The following TC2N variants were observed in gnomAD, a reference collection of about 807,000 sequenced individuals.
TC2N encodes tandem C2 domains, nuclear.
A neutral mutation model predicts 61.9 loss-of-function variants in TC2N; 51 were observed. The ratio of observed to expected loss-of-function variants is 0.82; its 90% CI spans 0.66 to 1.04. The LOEUF (loss-of-function observed/expected upper bound fraction) is 1.04. Among genes scored for constraint, TC2N ranks in the 50% least tolerant of loss-of-function variants. The pLI, the probability that TC2N is intolerant of heterozygous loss-of-function variation, is 0.00. For synonymous variants in TC2N, 204 were observed against 192.6 expected, an observed-to-expected ratio of 1.06 and a Z score of -0.49; for missense variants, 556 against 566.7, an observed-to-expected ratio of 0.98 and a Z score of 0.19.
At chr14:91,820,929 A>G (rs1887219271) in intron 1 of TC2N, among the ~76,000 whole-genome samples, 1 of 152,090 alleles carries the variant, frequency 6.6e-6, no homozygotes, top group African/African-American at 2.4e-5. Flanking sequence ...AAACCACAAG[A>G]CATTACTGAA....
rs190074166 is a variant in TC2N, at chr14:91,853,381, C to T, written c.-57+13881G>A. On this transcript the variant is annotated intron_variant, in intron 1 of 11. Coordinates refer to ENST00000435962, the MANE Select transcript of TC2N (RefSeq NM_001128596.3). The stretch of plus-strand genomic sequence containing the variant: ...AGGTATGAGGGTTAAATGATATATA[C>T]ACAGCATAATAATTGGCACAGTCAG... 7.4e-3 allele frequency among the ~76,000 whole-genome samples: 1,130 copies of T among 152,212 alleles called. 14 individuals carry two copies. Among genetic ancestry groups the T allele is most frequent in the African/African-American group, 0.024 (997 of 41,522 alleles).
At chr14:91,864,359 C>G (rs948656625) in intron 1 of TC2N, among the ~76,000 whole-genome samples, 3 of 152,140 alleles carry the variant, frequency 2.0e-5, no homozygotes, top group African/African-American at 7.2e-5. Flanking sequence ...TAAAAGGGGT[C>G]CCTGCTTCAT....
intron 1 of TC2N, among the ~76,000 whole-genome samples, chr14:91,816,685 G>T (rs935492961): frequency 1.3e-5 from 2 of 151,732 alleles, no homozygotes; most frequent in Non-Finnish European, 2.9e-5. Context: ...TTTCTATACT[G>T]ACATCCTGTT....
At chr14:91,860,818 A>C (rs929335759) in intron 1 of TC2N, among the ~76,000 whole-genome samples, 1 of 152,234 alleles carries the variant, frequency 6.6e-6, no homozygotes, top group Non-Finnish European at 1.5e-5. Flanking sequence ...GCTACTGTCC[A>C]TGAAACCCTC....
At chr14:91,831,274 A>G (rs1887758057) in intron 1 of TC2N, among the ~76,000 whole-genome samples, 3 of 152,218 alleles carry the variant, frequency 2.0e-5, no homozygotes, top group African/African-American at 4.8e-5. Context: ...AATTAATTCT[A>G]GTAAGTTAGG....
intron 3 of TC2N, among the ~76,000 whole-genome samples, chr14:91,806,038 G>C (rs993485873): frequency 1.3e-5 from 2 of 152,120 alleles, no homozygotes; most frequent in African/African-American, 2.4e-5. Context: ...ACTTGTGGTA[G>C]TGAATAAGTC....
chr14:91,840,122 A>G (rs1246245969), intron 1 of TC2N, among the ~76,000 whole-genome samples: 1 of 152,230 alleles, frequency 6.6e-6, no homozygotes, highest in African/African-American at 2.4e-5. Context: ...TCACAATACG[A>G]CAAGATGGGA....
Position 91,802,440 on chromosome 14 carries a change from A to G in TC2N, c.302-19T>C. 1.2e-6 allele frequency: 2 copies of G among 1,607,696 alleles called. No individual in the cohort carries two copies. The highest frequency in any genetic ancestry group is 1.7e-6 in the Non-Finnish European group (2 of 1,177,798). On this transcript the variant is annotated intron_variant, in intron 3 of 11. Transcript: ENST00000435962. ...GCAGATCCTGAAAGCAAATGTTTCT[A>G]AAAGTTTATAACATCCTTTTCTTGG...
intron 3 of TC2N, among the ~76,000 whole-genome samples, chr14:91,811,353 C>T (rs1336350225): frequency 6.6e-6 from 1 of 151,240 alleles, no homozygotes; most frequent in Non-Finnish European, 1.5e-5. Context: ...CAGGTCTTCA[C>T]TATTAAGTTT....
chr14:91,820,516 A>G (rs1318402916), intron 1 of TC2N, among the ~76,000 whole-genome samples: 3 of 151,898 alleles, frequency 2.0e-5, no homozygotes, highest in Non-Finnish European at 4.4e-5. Context: ...GGAACTGGTG[A>G]AAGATTGAAA....
chr14:91,854,055 CA>C (rs1888430550), intron 1 of TC2N, among the ~76,000 whole-genome samples: 1 of 152,050 alleles, frequency 6.6e-6, no homozygotes. Context: ...AGTCTTAAAA[CA>C]CAGCGTGGTT....
chr14:91,833,661 C>T (rs1372953403), intron 1 of TC2N, among the ~76,000 whole-genome samples: 2 of 152,138 alleles, frequency 1.3e-5, no homozygotes, highest in Non-Finnish European at 2.9e-5. Context: ...ATGTGTTTTT[C>T]CATCACATTA....
chr14:91,787,550 T>C lies in TC2N; in HGVS notation c.1125A>G (p.Ala375=). 1 of 1,612,982 alleles carries C rather than the reference T, an allele frequency of 6.2e-7. No homozygotes were observed. The highest frequency in any genetic ancestry group is 8.5e-7 in the Non-Finnish European group (1 of 1,179,522). The change falls in exon 10 of 12, where the codon GCA becomes GCG. Residue 375 remains alanine (A), a synonymous_variant. Transcript: ENST00000435962. ...NSRIQLQILE[A]RYLPSSSTPL... The stretch of plus-strand genomic sequence containing the variant: ...GTGTTGATGAGCTTGGAAGGTACCG[T>C]GCCTCAAGAATTTGTAACTGAATTC...
chr14:91,846,616 G>A (rs1273967496), intron 1 of TC2N, among the ~76,000 whole-genome samples: 2 of 152,136 alleles, frequency 1.3e-5, no homozygotes, highest in African/African-American at 2.4e-5. Context: ...GAGCATCCTC[G>A]CTTTGATTCC....
At chr14:91,822,285 CTG>C (rs1887289820) in intron 1 of TC2N, among the ~76,000 whole-genome samples, 2 of 152,180 alleles carry the variant, frequency 1.3e-5, no homozygotes, top group African/African-American at 4.8e-5. Flanking sequence ...AGAAAACAAA[CTG>C]TGGCTCAATG....
At chr14:91,831,038 T>A (rs1887745565) in intron 1 of TC2N, among the ~76,000 whole-genome samples, 1 of 152,232 alleles carries the variant, frequency 6.6e-6, no homozygotes. Context: ...TTCAAATGCA[T>A]CAAGTTTCCC....
chr14:91,811,114 A>G (rs1886746683), intron 3 of TC2N, among the ~76,000 whole-genome samples: 1 of 152,166 alleles, frequency 6.6e-6, no homozygotes, highest in South Asian at 2.1e-4. Flanking sequence ...CACTGTGTGT[A>G]AAATTTATGC....
intron 1 of TC2N, among the ~76,000 whole-genome samples, chr14:91,822,732 T>TG (rs35383849): frequency 1.3e-5 from 2 of 150,168 alleles, no homozygotes; most frequent in Admixed American, 6.6e-5. Context: ...TTTTTTTTTT[T>TG]GAGACAGTGT....
chr14:91,846,082 A>ACCTCT (rs1392295647), intron 1 of TC2N, among the ~76,000 whole-genome samples: 2 of 152,112 alleles, frequency 1.3e-5, no homozygotes, highest in Admixed American at 1.3e-4. Context: ...CTGCTGCTGC[A>ACCTCT]CCTCTGGGCA....
Sources: allele counts gnomAD v4.1 joint callset (sites outside exome capture counted in the v4.1 genomes callset), GRCh38; gene constraint gnomAD v4.1.1; transcripts MANE v1.5; gene names NCBI Gene and HGNC (gene_info 2026-07-23, HGNC 2026-07-21).